RNF217: variants seen among roughly 807,000 people sequenced by gnomAD.
The protein encoded by RNF217 is ring finger protein 217.
Under a neutral mutation model 57.8 loss-of-function variants are expected in RNF217, and 31 were observed. That is an observed-to-expected ratio of 0.54 (90% CI 0.40 to 0.72). The LOEUF (loss-of-function observed/expected upper bound fraction) is 0.72. RNF217 is among the 30% of genes least tolerant of loss of function. The pLI, the probability that RNF217 is intolerant of heterozygous loss-of-function variation, is 0.00. For missense variants in RNF217, 696 were observed against 708.3 expected (o/e 0.98, Z 0.20); for synonymous variants, 313 against 294.0 (o/e 1.06, Z -0.66).
chr6:124,983,935 A>T (rs138857014), intron 1 of RNF217, among the ~76,000 whole-genome samples: 25 of 152,286 alleles, frequency 1.6e-4, no homozygotes, highest in African/African-American at 5.5e-4. Context: ...CCTGTTCCTC[A>T]TGCATGGCAC....
intron 1 of RNF217, among the ~76,000 whole-genome samples, chr6:124,968,555 G>A (rs983107107): frequency 6.6e-6 from 1 of 152,122 alleles, no homozygotes; most frequent in African/African-American, 2.4e-5. Context: ...GGGCCAGCAG[G>A]ACTTTTTCCG....
chr6:125,060,353 G>A (rs1787682453), intron 3 of RNF217, among the ~76,000 whole-genome samples: 1 of 114,972 alleles, frequency 8.7e-6, no homozygotes, highest in African/African-American at 4.4e-5. Context: ...GTATATATGT[G>A]TATACACACA....
At chr6:125,045,091 A>C in intron 1 of RNF217, 120 bp from the exon 2 acceptor site, 1 of 655,296 alleles carries the variant, frequency 1.5e-6, no homozygotes, top group Middle Eastern at 2.6e-4. Flanking sequence ...ATGTTATCTT[A>C]AAAATTACAC....
At chr6:125,065,135 A>G (rs1240625053) in intron 3 of RNF217, among the ~76,000 whole-genome samples, 1 of 151,780 alleles carries the variant, frequency 6.6e-6, no homozygotes, top group Non-Finnish European at 1.5e-5. Context: ...AAAAGATAAA[A>G]AAAAAATTAG....
intron 1 of RNF217, among the ~76,000 whole-genome samples, chr6:125,015,771 C>CATATGTA (rs1430194582): frequency 6.6e-6 from 1 of 152,036 alleles, no homozygotes; most frequent in Non-Finnish European, 1.5e-5. Flanking sequence ...AATTCACACA[C>CATATGTA]ATATGTAACA....
chr6:125,006,639 G>T (rs72613294), intron 1 of RNF217, among the ~76,000 whole-genome samples: 20 of 152,204 alleles, frequency 1.3e-4, no homozygotes, highest in African/African-American at 4.8e-4. Flanking sequence ...TCTGAGTTTT[G>T]ATTTTTACTA....
intron 1 of RNF217, among the ~76,000 whole-genome samples, chr6:124,974,064 CCCGGAGCCAGCA>C (rs1783863769): frequency 2.6e-5 from 4 of 152,160 alleles, no homozygotes; most frequent in Admixed American, 2.6e-4. Context: ...GCTGGCCTCC[CCCGGAGCCAGCA>C]TCCCAAGGGA....
intron 1 of RNF217, among the ~76,000 whole-genome samples, chr6:125,012,973 G>C (rs1785466809): frequency 6.6e-6 from 1 of 151,994 alleles, no homozygotes; most frequent in Admixed American, 6.6e-5. Context: ...TTCAGATATA[G>C]AATATTAAAT....
rs1788877126 is a variant in RNF217 at position 125,089,705 on chromosome 6, C to T, written c.*6768C>T. The stretch of plus-strand genomic sequence containing the variant: ...AGGACCCCAGAAATTGCTGAAATGT[C>T]CTTTTAGATTCTTGTGGCTGGCAAG... On this transcript the variant is annotated 3_prime_UTR_variant, in exon 6 of 6. Transcript: ENST00000521654. The T allele has an allele frequency of 6.6e-6, 1 of 152,106 alleles. No homozygotes were observed. 9.4% of individuals were successfully genotyped at this position (152,106 alleles called of 1,614,324 possible).
chr6:125,007,309 G>A (rs550697966), intron 1 of RNF217, among the ~76,000 whole-genome samples: 6 of 150,304 alleles, frequency 4.0e-5, no homozygotes, highest in African/African-American at 1.2e-4. Flanking sequence ...GCAGTGGTGC[G>A]ATCTCGGCTC....
At chr6:124,971,480 G>A (rs1783757772) in intron 1 of RNF217, 5 of 334,526 alleles carry the variant, frequency 1.5e-5, no homozygotes, top group South Asian at 4.8e-5. Flanking sequence ...GTTTTGAGAC[G>A]GAGTCTCACT....
At chr6:125,025,551 G>A (rs1786042282) in intron 1 of RNF217, among the ~76,000 whole-genome samples, 2 of 135,058 alleles carry the variant, frequency 1.5e-5, no homozygotes, top group Admixed American at 7.2e-5. Context: ...CCAAAGGAAG[G>A]AAGGAAGGAA....
chr6:125,048,369 TAC>T, intron 2 of RNF217: 1 of 840,122 alleles, frequency 1.2e-6, no homozygotes, highest in South Asian at 1.4e-5. Flanking sequence ...TGAATTCAAG[TAC>T]TCACACACAA....
chr6:125,067,976 C>T (rs779750141), intron 3 of RNF217, among the ~76,000 whole-genome samples: 7 of 151,818 alleles, frequency 4.6e-5, no homozygotes, highest in Non-Finnish European at 1.0e-4. Context: ...AGGTACTGAG[C>T]GACTGATTAA....
intron 1 of RNF217, among the ~76,000 whole-genome samples, chr6:125,016,537 G>A (rs1445818597): frequency 6.6e-6 from 1 of 152,004 alleles, no homozygotes; most frequent in African/African-American, 2.4e-5. Flanking sequence ...ACAGGGTTGG[G>A]ACTGCTGTTT....
At chr6:125,037,064 A>G (rs1276301597) in intron 1 of RNF217, among the ~76,000 whole-genome samples, 1 of 150,314 alleles carries the variant, frequency 6.7e-6, no homozygotes, top group African/African-American at 2.4e-5. Context: ...TTAAACCAAC[A>G]GCACAATTTA....
rs867525763 is a variant in RNF217, at chr6:124,978,387, A to T, written c.882+14961A>T. 2.1e-4 allele frequency among the ~76,000 whole-genome samples: 32 copies of T among 151,514 alleles called. No homozygotes were observed. In the South Asian group the frequency reaches 3.8e-3, roughly 18 times the overall value. On this transcript the variant is annotated intron_variant, in intron 1 of 5. Transcript: ENST00000521654. The stretch of plus-strand genomic sequence containing the variant: ...CCGTGGCTCTGCGCTCAGCCCATGG[A>T]TCAACCAGGCATGCTGTGAGCGGCT...
At chr6:125,031,216 C>T (rs1181206722) in intron 1 of RNF217, among the ~76,000 whole-genome samples, 1 of 152,230 alleles carries the variant, frequency 6.6e-6, no homozygotes, top group Non-Finnish European at 1.5e-5. Flanking sequence ...TCCTCCAGCG[C>T]CTCCAGGCCT....
intron 1 of RNF217, among the ~76,000 whole-genome samples, chr6:124,995,720 G>A (rs541751862): frequency 2.0e-5 from 3 of 151,994 alleles, no homozygotes; most frequent in Non-Finnish European, 4.4e-5. Flanking sequence ...TCAGGAGTTC[G>A]AGACCAGCCT....
Sources: allele counts gnomAD v4.1 joint callset (sites outside exome capture counted in the v4.1 genomes callset), GRCh38; gene constraint gnomAD v4.1.1; transcripts MANE v1.5; gene names NCBI Gene and HGNC (gene_info 2026-07-23, HGNC 2026-07-21).